GRID2: variants seen among roughly 807,000 people sequenced by gnomAD.
GRID2 encodes the protein glutamate receptor ionotropic, delta-2.
Under a neutral mutation model 114.8 loss-of-function variants are expected in GRID2, and 33 were observed. That is an observed-to-expected ratio of 0.29 (90% confidence interval 0.22 to 0.38). GRID2 has a LOEUF of 0.38. GRID2 is among the 10% of genes least tolerant of loss of function. GRID2 has a pLI of 1.00. For synonymous variants in GRID2, 505 were observed against 449.9 expected, an observed-to-expected ratio of 1.12 and a Z score of -1.55; for missense variants, 1,184 against 1,257.7, an observed-to-expected ratio of 0.94 and a Z score of 0.89.
chr4:92,761,164 A>C (rs975800970), intron 2 of GRID2, among the ~76,000 whole-genome samples: 1 of 152,054 alleles, frequency 6.6e-6, no homozygotes, highest in Non-Finnish European at 1.5e-5. Context: ...TCTGCTTTGC[A>C]CTAGAACATA....
chr4:92,888,843 A>AT (rs1048263237), intron 2 of GRID2, among the ~76,000 whole-genome samples: 89 of 151,438 alleles, frequency 5.9e-4, no homozygotes, highest in African/African-American at 2.1e-3. Context: ...TAAAGCGGAC[A>AT]TTTTTTACCT....
At chr4:93,541,211 A>C (rs1459330772) in intron 13 of GRID2, among the ~76,000 whole-genome samples, 4 of 152,202 alleles carry the variant, frequency 2.6e-5, no homozygotes, top group Non-Finnish European at 4.4e-5. Flanking sequence ...AAAGGCACTT[A>C]GTACATGCGG....
intron 2 of GRID2, among the ~76,000 whole-genome samples, chr4:92,737,292 CA>C (rs1736643544): frequency 6.6e-6 from 1 of 152,012 alleles, no homozygotes; most frequent in Non-Finnish European, 1.5e-5. Context: ...TGAATACTAA[CA>C]TTTTTAAAGT....
intron 2 of GRID2, among the ~76,000 whole-genome samples, chr4:93,046,875 GAC>G (rs1185338354): frequency 6.6e-6 from 1 of 151,736 alleles, no homozygotes; most frequent in Non-Finnish European, 1.5e-5. Context: ...GGAAAGAAGA[GAC>G]ACATTTCCCA....
intron 14 of GRID2, among the ~76,000 whole-genome samples, chr4:93,721,897 G>C (rs988521180): frequency 6.0e-5 from 9 of 150,310 alleles, no homozygotes; most frequent in African/African-American, 2.2e-4. Context: ...TCAAGAAAAA[G>C]AGGAGAAAAT....
chr4:93,754,564 CAG>C (rs1290865878), intron 14 of GRID2, among the ~76,000 whole-genome samples: 3 of 152,188 alleles, frequency 2.0e-5, no homozygotes, highest in East Asian at 1.9e-4. Flanking sequence ...AACAAATAGA[CAG>C]AGTGTAGTAT....
At chr4:93,675,831 A>G (rs1724804069) in intron 14 of GRID2, among the ~76,000 whole-genome samples, 1 of 152,232 alleles carries the variant, frequency 6.6e-6, no homozygotes, top group South Asian at 2.1e-4. Flanking sequence ...TAAATTGCAA[A>G]GTAAAAGCAT....
At chr4:93,125,852 A>C (rs559457558) in intron 4 of GRID2, among the ~76,000 whole-genome samples, 68 of 152,364 alleles carry the variant, frequency 4.5e-4, no homozygotes, top group Non-Finnish European at 7.2e-4. Context: ...TATAGGATTG[A>C]TATCCAGCAG....
intron 14 of GRID2, among the ~76,000 whole-genome samples, chr4:93,685,136 A>G (rs1284794755): frequency 6.6e-6 from 1 of 152,054 alleles, no homozygotes; most frequent in Non-Finnish European, 1.5e-5. Flanking sequence ...GACTCTGCCC[A>G]AATAATCCAA....
chr4:93,467,714 C>T (rs1402922313), intron 11 of GRID2, among the ~76,000 whole-genome samples: 1 of 152,178 alleles, frequency 6.6e-6, no homozygotes, highest in Non-Finnish European at 1.5e-5. Flanking sequence ...AATGCATTGC[C>T]TGCAGTGTGG....
At chr4:93,013,201 T>C (rs1422256308) in intron 2 of GRID2, among the ~76,000 whole-genome samples, 1 of 152,060 alleles carries the variant, frequency 6.6e-6, no homozygotes, top group Non-Finnish European at 1.5e-5. Context: ...GTAGAGGAAG[T>C]TGACATAACG....
intron 1 of GRID2, among the ~76,000 whole-genome samples, chr4:92,385,770 T>A (rs1729917980): frequency 6.6e-6 from 1 of 151,494 alleles, no homozygotes; most frequent in South Asian, 2.1e-4. Flanking sequence ...ACCTTTGTAG[T>A]TCTACTTTTC....
At chr4:93,166,999 C>A (rs1290293766) in intron 4 of GRID2, among the ~76,000 whole-genome samples, 1 of 152,068 alleles carries the variant, frequency 6.6e-6, no homozygotes, top group Non-Finnish European at 1.5e-5. Flanking sequence ...AATCCACTTA[C>A]CACTACAGTT....
intron 14 of GRID2, among the ~76,000 whole-genome samples, chr4:93,689,990 T>C (rs1470641898): frequency 6.6e-6 from 1 of 152,098 alleles, no homozygotes; most frequent in Non-Finnish European, 1.5e-5. Flanking sequence ...AACATTTGAA[T>C]TTATTTTATT....
At chr4:93,526,784 G>A (rs1730952113) in intron 13 of GRID2, among the ~76,000 whole-genome samples, 1 of 152,112 alleles carries the variant, frequency 6.6e-6, no homozygotes, top group Admixed American at 6.6e-5. Flanking sequence ...ACTCCAGCCT[G>A]GGCAACAAGA....
At chr4:92,809,900 T>A (rs1740589596) in intron 2 of GRID2, among the ~76,000 whole-genome samples, 2 of 152,008 alleles carry the variant, frequency 1.3e-5, no homozygotes, top group African/African-American at 2.4e-5. Context: ...ATAAACTTAA[T>A]AATTCCTGTT....
At chr4:92,408,629 A>AT (rs142196449) in intron 1 of GRID2, among the ~76,000 whole-genome samples, 24,497 of 147,612 alleles carry the variant, frequency 0.17, 2,580 homozygotes, top group African/African-American at 0.3. Context: ...ATTTATTATT[A>AT]TTTTTTTTTG....
At chr4:92,525,157 C>A (rs949963933) in intron 1 of GRID2, among the ~76,000 whole-genome samples, 1 of 150,926 alleles carries the variant, frequency 6.6e-6, no homozygotes. Context: ...CTGGTGGAAC[C>A]AATGAGATGG....
chr4:93,207,284 A>G (rs1007332424), intron 4 of GRID2, 120 bp from the exon 5 acceptor site: 3 of 566,986 alleles, frequency 5.3e-6, no homozygotes, highest in Non-Finnish European at 9.0e-6. Context: ...TCTTCAATTG[A>G]GTAACAAAGA....
Sources: gnomAD v4.1 joint callset for allele counts (sites outside exome capture counted in the v4.1 genomes callset) on GRCh38, gnomAD v4.1.1 for gene constraint, MANE v1.5 for transcripts, NCBI Gene and HGNC (gene_info 2026-07-23, HGNC 2026-07-21) for gene names.